SOS1: variants seen among roughly 807,000 people sequenced by gnomAD.
SOS1 encodes the protein SOS Ras/Rac guanine nucleotide exchange factor 1, also known as son of sevenless homolog 1.
SOS1 carries 25 observed loss-of-function variants against 157.6 expected under a neutral mutation model. That is an observed-to-expected ratio of 0.16 (90% CI 0.12 to 0.22). The LOEUF (loss-of-function observed/expected upper bound fraction) is 0.22, where lower values mean the gene tolerates loss of function less well. Among genes scored for constraint, SOS1 ranks in the 10% least tolerant of loss-of-function variants. SOS1 has a pLI of 1.00. For missense variants in SOS1, 1,237 were observed against 1,599.1 expected (o/e 0.77, Z 3.86); for synonymous variants, 528 against 534.0 (o/e 0.99, Z 0.16).
At chr2:39,074,772 CAGG>C (rs1210542687) in intron 1 of SOS1, among the ~76,000 whole-genome samples, 1 of 151,166 alleles carries the variant, frequency 6.6e-6, no homozygotes, top group African/African-American at 2.4e-5. Flanking sequence ...GAGGCTAAGG[CAGG>C]AGATTTGCTT....
rs528574821 is a variant in SOS1, at chr2:39,120,057, T to C, written c.87+279A>G. ...CTGAAAACTGAGGCTCCTCCAACTG[T>C]TGTTGTCCTGGAATCAAAGGGCAAA... On this transcript the variant is annotated intron_variant, in intron 1 of 22. Coordinates refer to ENST00000402219, the MANE Select transcript of SOS1 (RefSeq NM_005633.4). Among the ~76,000 whole-genome samples, 38 of 152,202 alleles carry C rather than the reference T, an allele frequency of 2.5e-4. 2 individuals are homozygous for C. In the South Asian group the frequency reaches 7.5e-3, roughly 30 times the overall value.
intron 17 of SOS1, among the ~76,000 whole-genome samples, chr2:39,004,475 C>A (rs115748802): frequency 1.5e-5 from 2 of 133,970 alleles, no homozygotes; most frequent in East Asian, 2.2e-4. Flanking sequence ...ATTCAGTAAA[C>A]CTAGATTAAC....
intron 1 of SOS1, among the ~76,000 whole-genome samples, chr2:39,115,153 A>G (rs1279615737): frequency 6.6e-6 from 1 of 152,140 alleles, no homozygotes; most frequent in African/African-American, 2.4e-5. Context: ...AATAAACTGC[A>G]CATATTTAAA....
At chr2:39,078,927 G>A (rs1672109063) in intron 1 of SOS1, among the ~76,000 whole-genome samples, 1 of 151,928 alleles carries the variant, frequency 6.6e-6, no homozygotes, top group African/African-American at 2.4e-5. Flanking sequence ...AGATGCGGTG[G>A]CATACGCCTG....
chr2:39,025,587 T>C (rs1019040610), intron 8 of SOS1, among the ~76,000 whole-genome samples: 3 of 152,048 alleles, frequency 2.0e-5, no homozygotes, highest in Admixed American at 6.6e-5. Context: ...CTCAAACTCC[T>C]GACCTCAAGT....
At chr2:38,988,459 A>G (rs1482528760) in intron 21 of SOS1, among the ~76,000 whole-genome samples, 1 of 152,184 alleles carries the variant, frequency 6.6e-6, no homozygotes, top group Admixed American at 6.5e-5. Flanking sequence ...TGAAAAAAAT[A>G]CTTAAACCAT....
At chr2:39,109,968 A>G (rs1292067934) in intron 1 of SOS1, among the ~76,000 whole-genome samples, 5 of 152,166 alleles carry the variant, frequency 3.3e-5, no homozygotes, top group African/African-American at 1.2e-4. Context: ...AGAAATCAAC[A>G]ATTAGATAAA....
chr2:38,993,458 G>C (rs1668795062), intron 20 of SOS1: 1 of 152,208 alleles, frequency 6.6e-6, no homozygotes, highest in African/African-American at 2.4e-5. Flanking sequence ...ACCATGCCCA[G>C]CCCAAATATA....
intron 1 of SOS1, among the ~76,000 whole-genome samples, chr2:39,088,637 T>G (rs1299006453): frequency 6.6e-6 from 1 of 152,240 alleles, no homozygotes; most frequent in Non-Finnish European, 1.5e-5. Context: ...GATTCGCCCA[T>G]GCTGCAGCAT....
chr2:39,114,976 C>G (rs1558520583), intron 1 of SOS1, among the ~76,000 whole-genome samples: 1 of 152,128 alleles, frequency 6.6e-6, no homozygotes, highest in Non-Finnish European at 1.5e-5. Context: ...CCTTGCTTCT[C>G]GGTCTCCTTA....
chr2:38,987,646 T>G (rs1668596356), intron 21 of SOS1, 55 bp from the exon 22 acceptor site: 4 of 873,264 alleles, frequency 4.6e-6, no homozygotes, highest in African/African-American at 1.6e-5. Context: ...TTTCATTTAT[T>G]TACCTTGAAA....
chr2:39,103,190 GTTA>G (rs1196929569), intron 1 of SOS1, among the ~76,000 whole-genome samples: 1 of 152,174 alleles, frequency 6.6e-6, no homozygotes, highest in Non-Finnish European at 1.5e-5. Flanking sequence ...GCCATTCTGA[GTTA>G]TTGAGTAGGA....
At chr2:39,087,196 G>C (rs1215306921) in intron 1 of SOS1, among the ~76,000 whole-genome samples, 1 of 152,176 alleles carries the variant, frequency 6.6e-6, no homozygotes, top group South Asian at 2.1e-4. Context: ...AACTGCCACA[G>C]AATCATAGAT....
intron 6 of SOS1, among the ~76,000 whole-genome samples, chr2:39,049,389 ATC>A (rs1258411975): frequency 2.0e-5 from 3 of 152,106 alleles, no homozygotes; most frequent in South Asian, 2.1e-4. Context: ...AATTCTCGAA[ATC>A]TCTGTCTTTT....
chr2:39,000,367 G>A (rs77016296), intron 17 of SOS1, among the ~76,000 whole-genome samples: 144 of 151,884 alleles, frequency 9.5e-4, no homozygotes, highest in Non-Finnish European at 1.6e-3. Context: ...AAAACATAGC[G>A]TATATGTGTG....
intron 1 of SOS1, among the ~76,000 whole-genome samples, chr2:39,097,809 C>T (rs1476484946): frequency 1.3e-5 from 2 of 152,204 alleles, no homozygotes; most frequent in Admixed American, 6.5e-5. Flanking sequence ...AAGCAATCCA[C>T]GTGCCTTGGC....
At chr2:39,010,877 CTTATGGATTTTTT>C (rs1401065667) in intron 14 of SOS1, among the ~76,000 whole-genome samples, 174 bp from the exon 15 acceptor site, 1 of 147,756 alleles carries the variant, frequency 6.8e-6, no homozygotes, top group Non-Finnish European at 1.5e-5. Context: ...TGCATATTTC[CTTATGGATTTTTT>C]TTAAACTTTT....
At chr2:39,107,028 T>C (rs1673218447) in intron 1 of SOS1, among the ~76,000 whole-genome samples, 1 of 152,226 alleles carries the variant, frequency 6.6e-6, no homozygotes. Context: ...TTGTGTACCA[T>C]TAATTTCAAT....
rs761268670 is a variant in SOS1 at position 39,010,716 on chromosome 2, A to G, written c.2391-13T>C. 2.5e-6 allele frequency: 4 copies of G among 1,600,286 alleles called. No homozygotes were observed. The highest frequency in any genetic ancestry group is 1.7e-5 in the Admixed American group (1 of 60,004). The stretch of plus-strand genomic sequence containing the variant: ...TGGCTGTACAGCTCTAAAATCATCA[A>G]TACATAATTCTACATGACACTTTTT... On this transcript the variant is annotated splice_polypyrimidine_tract_variant and intron_variant, in intron 14 of 22. Transcript: ENST00000402219.
Sources: allele counts gnomAD v4.1 joint callset (sites outside exome capture counted in the v4.1 genomes callset), GRCh38; gene constraint gnomAD v4.1.1; transcripts MANE v1.5; gene names NCBI Gene and HGNC (gene_info 2026-07-23, HGNC 2026-07-21).